The following ACKR3 variants were observed in gnomAD, a reference collection of about 807,000 sequenced individuals.
The protein encoded by ACKR3 is C-X-C chemokine receptor type 7.
Under a neutral mutation model 22.4 loss-of-function variants are expected in ACKR3, and 6 were observed. The observed-to-expected ratio is 0.27, with a 90% CI of 0.15 to 0.53. ACKR3 has a LOEUF of 0.53. ACKR3 is among the 20% of genes least tolerant of loss of function. The probability of loss-of-function intolerance (pLI) is 0.96; values close to 1 mark genes in which losing one functional copy is unlikely to be tolerated. For synonymous variants in ACKR3, 209 were observed against 205.2 expected, an observed-to-expected ratio of 1.02 and a Z score of -0.16; for missense variants, 396 against 475.2, an observed-to-expected ratio of 0.83 and a Z score of 1.55.
At chr2:236,548,477 C>T in the ACKR3 span, among the ~76,000 whole-genome samples, 1 of 152,188 alleles carries the variant, frequency 6.6e-6, no homozygotes, top group East Asian at 1.9e-4. The surrounding 1 kb of genome is among the most constrained non-coding windows in gnomAD (Gnocchi z 4.3). Context: ...TCCCTCCCAC[C>T]AGAACCTAGG....
the ACKR3 span, among the ~76,000 whole-genome samples, chr2:236,537,213 G>A: frequency 4.7e-3 from 709 of 152,322 alleles, 6 homozygotes; most frequent in African/African-American, 0.016. Context: ...TTGGATTCTA[G>A]GAATACCAGC....
At chr2:236,554,582 T>C in the ACKR3 span, among the ~76,000 whole-genome samples, 1 of 152,300 alleles carries the variant, frequency 6.6e-6, no homozygotes, top group South Asian at 2.1e-4. Context: ...CAGCACTCCC[T>C]GGGTGCCAGA....
chr2:236,565,114 G>C (rs1691151779), upstream of ACKR3, among the ~76,000 whole-genome samples: 1 of 152,034 alleles, frequency 6.6e-6, no homozygotes, highest in Non-Finnish European at 1.5e-5. Flanking sequence ...TTTGGCTGGG[G>C]ACAGAGGAGA....
the ACKR3 span, among the ~76,000 whole-genome samples, chr2:236,543,394 A>G: frequency 1.3e-5 from 2 of 152,216 alleles, no homozygotes; most frequent in Non-Finnish European, 2.9e-5. Context: ...GCTATGTTCC[A>G]AAGCAAAGTT....
the ACKR3 span, among the ~76,000 whole-genome samples, chr2:236,561,883 A>G: frequency 6.6e-6 from 1 of 152,210 alleles, no homozygotes; most frequent in East Asian, 1.9e-4. Context: ...ACTCATCAGG[A>G]TTTGCTGCAT....
At chr2:236,539,011 G>C in the ACKR3 span, among the ~76,000 whole-genome samples, 2 of 152,192 alleles carry the variant, frequency 1.3e-5, no homozygotes, top group Non-Finnish European at 2.9e-5. Flanking sequence ...CATGTAGCTG[G>C]AATGATGCAG....
At chr2:236,564,191 C>T (rs1014278313), upstream of ACKR3, among the ~76,000 whole-genome samples, 3 of 152,196 alleles carry the variant, frequency 2.0e-5, no homozygotes, top group East Asian at 5.8e-4. Context: ...GCCAATCCTT[C>T]ATTGGCATGA....
In ACKR3 at chr2:236,581,192, A is replaced by G. The variant is rs754326839; in HGVS notation, c.727A>G (p.Ser243Gly). The change falls in exon 2 of 2, where the codon AGT becomes GGT. Residue 243 changes from serine (S) to glycine (G), a missense_variant. Physicochemically the swap from Ser to Gly is moderately conservative, Grantham distance 56. Transcript: ENST00000272928. The surrounding 1 kb of genome is among the most constrained non-coding windows in gnomAD (Gnocchi z 4.4). ...FLLARAISAS[S>G]DQEKHSSRKI... ...GCTGGCCAGAGCCATCTCGGCGTCC[A>G]GTGACCAGGAGAAGCACAGCAGCCG... The G allele has an allele frequency of 8.1e-6, 13 of 1,613,504 alleles. No homozygotes were observed. The highest frequency in any genetic ancestry group is 1.7e-5 in the Admixed American group (1 of 60,010).
chr2:236,573,945 T>A (rs1358893564), intron 1 of ACKR3, among the ~76,000 whole-genome samples: 1 of 152,208 alleles, frequency 6.6e-6, no homozygotes, highest in Non-Finnish European at 1.5e-5. Flanking sequence ...TACCCATGGC[T>A]GTGCCTTCCT....
Position 236,582,160 on chromosome 2 carries a change from C to T in ACKR3, c.*606C>T, listed in dbSNP as rs1002825230. 10 of 166,448 alleles carry T rather than the reference C, an allele frequency of 6.0e-5. No homozygotes were observed. Among genetic ancestry groups the T allele is most frequent in the East Asian group, 1.9e-4 (1 of 5,182 alleles). 10.3% of individuals were successfully genotyped at this position (166,448 alleles called of 1,614,324 possible). ...TTTATATCTGTGTGGTGTTTTGTAC[C>T]GGCACGGGATATGGAACGAAAACTG... On this transcript the variant is annotated 3_prime_UTR_variant, in exon 2 of 2. Transcript: ENST00000272928.
chr2:236,545,262 A>G, the ACKR3 span, among the ~76,000 whole-genome samples: 11,704 of 152,196 alleles, frequency 0.077, 1,391 homozygotes, highest in African/African-American at 0.26. This position sits in a 1 kb window ranked among gnomAD's most constrained non-coding sequence, Gnocchi z 5.3. Context: ...CTGTCGCCCA[A>G]GGGAGTTTGA....
chr2:236,572,641 A>G (rs921149293), intron 1 of ACKR3, among the ~76,000 whole-genome samples: 13 of 152,126 alleles, frequency 8.5e-5, no homozygotes, highest in African/African-American at 3.1e-4. Context: ...CCTAGTCCTA[A>G]GCTGGGTGGG....
At position 236,581,012 on chromosome 2, in the gene ACKR3, C is replaced by T; in HGVS notation, c.547C>T (p.Leu183=). 2 of 1,614,192 alleles carry T rather than the reference C, an allele frequency of 1.2e-6. No homozygotes were observed. Among genetic ancestry groups the T allele is most frequent in the Non-Finnish European group, 1.7e-6 (2 of 1,180,050 alleles). ...CGTGTCTCTGCCTGACACCTACTACCTGAAGACCGTCACGTCTGCGTCCAA... is the reference window on the plus strand; with the variant it reads ...CGTGTCTCTGCCTGACACCTACTACTTGAAGACCGTCACGTCTGCGTCCAA... ...FCVSLPDTYY[L]KTVTSASNNE... The change falls in exon 2 of 2, where the codon CTG becomes TTG. Residue 183 remains leucine (L), a synonymous_variant. Coordinates refer to ENST00000272928, the MANE Select transcript of ACKR3 (RefSeq NM_020311.3). This position sits in a 1 kb window ranked among gnomAD's most constrained non-coding sequence, Gnocchi z 4.4.
At chr2:236,565,883 T>A (rs936848393), upstream of ACKR3, among the ~76,000 whole-genome samples, 1 of 152,100 alleles carries the variant, frequency 6.6e-6, no homozygotes, top group Non-Finnish European at 1.5e-5. Flanking sequence ...TGGGGGAGCG[T>A]CCAGTCCCAG....
In ACKR3 at chr2:236,581,167, G is replaced by T. The variant is rs775001746; in HGVS notation, c.702G>T (p.Leu234=). Residue 234 remains leucine (L), a synonymous_variant, in exon 2 of 2, where the codon CTG becomes CTT. Transcript: ENST00000272928. This position sits in a 1 kb window ranked among gnomAD's most constrained non-coding sequence, Gnocchi z 4.4. ...CCATTATCGCTGTCTTCTACTTCCT[G>T]CTGGCCAGAGCCATCTCGGCGTCCA... ...PFSIIAVFYF[L]LARAISASSD... is the part of the protein sequence containing the mutation. 1 of 1,613,748 alleles carries T rather than the reference G, an allele frequency of 6.2e-7. No homozygotes were observed. Among genetic ancestry groups the T allele is most frequent in the Non-Finnish European group, 8.5e-7 (1 of 1,179,700 alleles).
the ACKR3 span, among the ~76,000 whole-genome samples, chr2:236,559,101 G>GC: frequency 6.6e-6 from 1 of 152,148 alleles, no homozygotes; most frequent in Non-Finnish European, 1.5e-5. Flanking sequence ...AGCCCATTAG[G>GC]CCCTCTGTGC....
the ACKR3 span, among the ~76,000 whole-genome samples, chr2:236,562,322 G>A: frequency 8.7e-3 from 1,327 of 152,154 alleles, 20 homozygotes; most frequent in African/African-American, 0.031. Context: ...ACAGTATATC[G>A]TACATATGTT....
chr2:236,547,852 T>TC, the ACKR3 span, among the ~76,000 whole-genome samples: 3 of 151,712 alleles, frequency 2.0e-5, no homozygotes, highest in African/African-American at 7.3e-5. Flanking sequence ...TTTTTTTTTT[T>TC]ACAGCGTATC....
chr2:236,556,983 C>T, the ACKR3 span, among the ~76,000 whole-genome samples: 1 of 152,158 alleles, frequency 6.6e-6, no homozygotes, highest in Admixed American at 6.5e-5. Flanking sequence ...CCACTGCACC[C>T]GGCCATTTGT....
Sources: gnomAD v4.1 joint callset for allele counts (sites outside exome capture counted in the v4.1 genomes callset) on GRCh38, gnomAD v4.1.1 for gene constraint, Gnocchi (gnomAD v3.1) non-coding constraint, MANE v1.5 for transcripts, NCBI Gene and HGNC (gene_info 2026-07-23, HGNC 2026-07-21) for gene names.